Variants in CLK1 observed in about 807,000 individuals in gnomAD.
The protein encoded by CLK1 is CDC like kinase 1, also known as dual specificity protein kinase CLK1.
In CLK1, 40 loss-of-function variants were observed where a neutral mutation model predicts 60.9. That is an observed-to-expected ratio of 0.66 (90% confidence interval 0.51 to 0.86). CLK1 has a LOEUF of 0.86. Among genes scored for constraint, CLK1 ranks in the 40% least tolerant of loss-of-function variants. CLK1 has a pLI of 0.00. For synonymous variants in CLK1, 203 were observed against 184.4 expected, an observed-to-expected ratio of 1.10 and a Z score of -0.82; for missense variants, 563 against 606.1, an observed-to-expected ratio of 0.93 and a Z score of 0.75.
At position 200,857,558 on chromosome 2, in the gene CLK1, T is replaced by C. The variant is rs1025080991; in HGVS notation, c.832+160A>G. ...GATATCCTACTTGCTGAATGAAATG[T>C]ACACTGCTGGATCAACAGCCTGTAA... On this transcript the variant is annotated intron_variant, in intron 7 of 12. Coordinates refer to ENST00000321356, the MANE Select transcript of CLK1 (RefSeq NM_004071.4). 1.2e-5 allele frequency: 7 copies of C among 572,450 alleles called. No homozygotes were observed. In the East Asian group the frequency reaches 1.8e-4, roughly 14 times the overall value. 35.5% of individuals were successfully genotyped at this position (572,450 alleles called of 1,614,324 possible). A position where few individuals can be genotyped will look rare whatever the true frequency, so the allele number is the denominator to read the frequency against.
chr2:200,856,308 G>A (rs2039042232), intron 9 of CLK1, among the ~76,000 whole-genome samples: 1 of 152,008 alleles, frequency 6.6e-6, no homozygotes, highest in South Asian at 2.1e-4. Context: ...CTGACCATGT[G>A]GTCTGCCCGC....
intron 4 of CLK1, 82 bp downstream of exon 4, chr2:200,860,040 AAAG>A: frequency 6.5e-7 from 1 of 1,529,256 alleles, no homozygotes; most frequent in Non-Finnish European, 8.8e-7. Context: ...AGAAAGAAAA[AAAG>A]ATTTCCAAAT....
In CLK1 at chr2:200,853,820, G is replaced by C; in HGVS notation, c.1311+83C>G. On this transcript the variant is annotated intron_variant, in intron 12 of 12. Transcript: ENST00000321356. ...ACATCGTGCCACTCTACTCCAGCCT[G>C]GACAACGAAGCAAGGCTCGGTCTCA... 6.5e-6 allele frequency: 7 copies of C among 1,083,312 alleles called. No individual in the cohort carries two copies. The Admixed American group carries it at 1.5e-4, about 23-fold the overall frequency. 67.1% of individuals were successfully genotyped at this position (1,083,312 alleles called of 1,614,324 possible). A position where few individuals can be genotyped will look rare whatever the true frequency, so the allele number is the denominator to read the frequency against.
chr2:200,859,601 G>A (rs1030775364), intron 5 of CLK1, 79 bp downstream of exon 5: 11 of 1,170,024 alleles, frequency 9.4e-6, no homozygotes, highest in Non-Finnish European at 1.1e-5. Context: ...CTAACTCATG[G>A]TCAGACCACT....
chr2:200,853,419 C>G lies in CLK1; in HGVS notation c.1342G>C (p.Glu448Gln), dbSNP rs1302338382. The G allele has an allele frequency of 6.2e-7, 1 of 1,601,506 alleles. No individual in the cohort carries two copies. Among genetic ancestry groups the G allele is most frequent in the Non-Finnish European group, 8.5e-7 (1 of 1,177,074 alleles). ...EFMLSQDVEH[E>Q]RLFDLIQKML... Reference sequence around the variant, plus strand: ...TTCTGAATGAGGTCAAAGAGACGCTCATGTTCAACATCTTGAGAAAGCATA... The same window carrying G: ...TTCTGAATGAGGTCAAAGAGACGCTGATGTTCAACATCTTGAGAAAGCATA... The change falls in exon 13 of 13, where the codon GAG becomes CAG. Residue 448 changes from glutamate (E) to glutamine (Q), a missense_variant. Transcript: ENST00000321356.
intron 1 of CLK1, chr2:200,864,215 C>A (rs1211001100): frequency 6.5e-7 from 1 of 1,548,226 alleles, no homozygotes. Context: ...CCGGCCTCCG[C>A]CCAGCCGCCA....
chr2:200,853,440 G>C lies in CLK1; in HGVS notation c.1321C>G (p.Leu441Val), dbSNP rs1337684808. Residue 441 changes from leucine (L) to valine (V), a missense_variant, in exon 13 of 13, where the codon CTT becomes GTT. Transcript: ENST00000321356. ...CGCTCATGTTCAACATCTTGAGAAA[G>C]CATAAATTCCTGGAAGAAAAAAAGA... ...RRCKPLKEFM[L>V]SQDVEHERLF... 2 of 1,601,698 alleles carry C rather than the reference G, an allele frequency of 1.2e-6. No homozygotes were observed. The highest frequency in any genetic ancestry group is 1.1e-5 in the South Asian group (1 of 88,638).
intron 11 of CLK1, among the ~76,000 whole-genome samples, chr2:200,854,371 T>C (rs1350601648): frequency 6.6e-6 from 1 of 151,786 alleles, no homozygotes; most frequent in East Asian, 1.9e-4. Flanking sequence ...TTGTCTCTAC[T>C]AAAAATACAA....
At chr2:200,857,408 C>T (rs1054130811) in intron 7 of CLK1, 2 of 272,634 alleles carry the variant, frequency 7.3e-6, no homozygotes, top group Non-Finnish European at 6.9e-6. Flanking sequence ...CTTACTACCT[C>T]TTATGAAGCT....
intron 1 of CLK1, chr2:200,864,263 C>G (rs753716055): frequency 6.6e-7 from 1 of 1,506,240 alleles, no homozygotes; most frequent in Non-Finnish European, 8.8e-7. Flanking sequence ...AACATGGCGC[C>G]CGCCCGACCG....
At chr2:200,853,589 C>T (rs962133843) in intron 12 of CLK1, 140 bp from the exon 13 acceptor site, 8 of 777,796 alleles carry the variant, frequency 1.0e-5, no homozygotes, top group Non-Finnish European at 1.5e-5. Context: ...GCCTATAATC[C>T]CAGCACTCTG....
At chr2:200,861,143 C>A in intron 3 of CLK1, 95 bp downstream of exon 3, 1 of 1,530,748 alleles carries the variant, frequency 6.5e-7, no homozygotes, top group South Asian at 1.3e-5. Context: ...ATGATTTCAT[C>A]TTAAAACTTT....
chr2:200,863,393 TATAAAAA>T (rs1427299052), intron 1 of CLK1: 5 of 151,530 alleles, frequency 3.3e-5, no homozygotes, highest in South Asian at 2.1e-4. Flanking sequence ...ACCCCGCCTC[TATAAAAA>T]ATAAAAAATT....
chr2:200,864,535 C>A, intron 1 of CLK1, 29 bp downstream of exon 1: 1 of 372,688 alleles, frequency 2.7e-6, no homozygotes, highest in East Asian at 5.4e-5. Flanking sequence ...ACGGCCCTGT[C>A]ACCTAGTCCG....
At chr2:200,857,924 A>G in intron 6 of CLK1, 40 bp from the exon 7 acceptor site, 1 of 1,610,896 alleles carries the variant, frequency 6.2e-7, no homozygotes, top group Non-Finnish European at 8.5e-7. Context: ...AGTTGCTCCT[A>G]ATTTAAATAT....
chr2:200,860,562 TA>T, intron 3 of CLK1: 22 of 1,026,698 alleles, frequency 2.1e-5, no homozygotes, highest in Non-Finnish European at 2.6e-5. Flanking sequence ...TGTTCTAATT[TA>T]ATGTTGCAAA....
At chr2:200,855,857 AAAT>A (rs1223876660) in intron 9 of CLK1, among the ~76,000 whole-genome samples, 2 of 150,518 alleles carry the variant, frequency 1.3e-5, no homozygotes, top group Non-Finnish European at 3.0e-5. Flanking sequence ...AAAAATAAGA[AAAT>A]TAACCGGGTG....
chr2:200,859,885 C>CA (rs2039106919), intron 4 of CLK1, 139 bp from the exon 5 acceptor site: 2 of 1,447,840 alleles, frequency 1.4e-6, no homozygotes, highest in East Asian at 5.0e-5. Flanking sequence ...TCAACACCAT[C>CA]AAAAAACATA....
At chr2:200,853,782 G>A in intron 12 of CLK1, 121 bp downstream of exon 12, 5 of 630,796 alleles carry the variant, frequency 7.9e-6, no homozygotes, top group Non-Finnish European at 1.0e-5. Context: ...AGAGGTTGCA[G>A]TGAGCTGGGC....
Sources: allele counts gnomAD v4.1 joint callset (sites outside exome capture counted in the v4.1 genomes callset), GRCh38; gene constraint gnomAD v4.1.1; transcripts MANE v1.5; gene names NCBI Gene and HGNC (gene_info 2026-07-23, HGNC 2026-07-21).